Variants in ASCC1 observed in about 807,000 individuals in gnomAD.
The protein encoded by ASCC1 is ASC-1 complex subunit P50.
Under a neutral mutation model 46.6 loss-of-function variants are expected in ASCC1, and 35 were observed. The observed-to-expected ratio is 0.75, with a 90% CI of 0.57 to 0.99. The LOEUF is 0.99. ASCC1 is among the 50% of genes least tolerant of loss of function. The pLI, the probability that ASCC1 is intolerant of heterozygous loss-of-function variation, is 0.00. For synonymous variants in ASCC1, 143 were observed against 146.6 expected, an observed-to-expected ratio of 0.98 and a Z score of 0.18; for missense variants, 376 against 428.7, an observed-to-expected ratio of 0.88 and a Z score of 1.09.
At chr10:72,129,894 T>C (rs1432685282) in intron 8 of ASCC1, among the ~76,000 whole-genome samples, 1 of 138,154 alleles carries the variant, frequency 7.2e-6, no homozygotes, top group Non-Finnish European at 1.5e-5. Context: ...AGTGGGAGAA[T>C]CATTTGAGTG....
chr10:72,127,970 TA>T, intron 9 of ASCC1, 111 bp downstream of exon 9: 1 of 872,352 alleles, frequency 1.1e-6, no homozygotes, highest in Admixed American at 2.2e-5. Flanking sequence ...AAAAAAAAAG[TA>T]TGAGAAAAAG....
chr10:72,172,107 G>GT (rs368275958), intron 5 of ASCC1, among the ~76,000 whole-genome samples: 1 of 152,002 alleles, frequency 6.6e-6, no homozygotes, highest in South Asian at 2.1e-4. Context: ...CAATTTTGAA[G>GT]TTTTTTTAGA....
chr10:72,187,091 T>A (rs1853571199), intron 5 of ASCC1, among the ~76,000 whole-genome samples: 1 of 152,158 alleles, frequency 6.6e-6, no homozygotes, highest in Admixed American at 6.5e-5. Flanking sequence ...ACTTAGCCCC[T>A]ACTCCCCAAA....
chr10:72,168,373 A>G (rs1365787698), intron 5 of ASCC1, among the ~76,000 whole-genome samples: 1 of 152,224 alleles, frequency 6.6e-6, no homozygotes, highest in East Asian at 1.9e-4. Context: ...ACTACACTGA[A>G]TATCATTTCT....
chr10:72,161,060 G>A (rs1312749823), intron 6 of ASCC1, among the ~76,000 whole-genome samples: 2 of 151,914 alleles, frequency 1.3e-5, no homozygotes, highest in African/African-American at 4.8e-5. Context: ...TCCAGCCTGG[G>A]CGACAGAGCA....
intron 9 of ASCC1, among the ~76,000 whole-genome samples, chr10:72,120,916 A>C (rs1271352): frequency 0.31 from 47,860 of 151,986 alleles, 8,565 homozygotes; most frequent in Middle Eastern, 0.42. Context: ...TGCTCAAATA[A>C]ACCAAAAAAG....
chr10:72,102,327 ATCTTACCCACTAGCTCTCTGTGT>A, intron 9 of ASCC1: 1 of 1,548,948 alleles, frequency 6.5e-7, no homozygotes, highest in Non-Finnish European at 8.7e-7. Flanking sequence ...TCACGGCTGT[ATCTTACCCACTAGCTCTCTGTGT>A]CCCAAGCCCT....
chr10:72,159,509 A>G (rs1449964067), intron 6 of ASCC1: 1 of 152,230 alleles, frequency 6.6e-6, no homozygotes, highest in African/African-American at 2.4e-5. Context: ...GATTATCCCA[A>G]TGGCAGCCAA....
rs776866350 is a variant in ASCC1, at chr10:72,161,617, C to CA, written c.546dup (p.Gly183TrpfsTer8). 6.2e-7 allele frequency: 1 copy of CA among 1,614,086 alleles called. No individual in the cohort carries two copies. The highest frequency in any genetic ancestry group is 8.5e-7 in the Non-Finnish European group (1 of 1,180,004). ...TCCTCACTCAAAAGCACCAACATCC[C>CA]AATAGTTAGATGAAGCTTTTTAGGA... On this transcript the variant is annotated frameshift_variant, in exon 6 of 10. Coordinates refer to ENST00000672957, the MANE Select transcript of ASCC1 (RefSeq NM_001198800.3). LOFTEE classifies it high-confidence loss of function.
intron 6 of ASCC1, among the ~76,000 whole-genome samples, chr10:72,160,876 G>A (rs927067050): frequency 1.3e-5 from 2 of 150,804 alleles, no homozygotes; most frequent in Admixed American, 6.6e-5. Flanking sequence ...AAGGTCAAGA[G>A]ATCAAGACCA....
Position 72,097,260 on chromosome 10 carries a change from G to A in ASCC1, c.*74C>T. 5 of 1,040,802 alleles carry A rather than the reference G, an allele frequency of 4.8e-6. No homozygotes were observed. Among genetic ancestry groups the A allele is most frequent in the Non-Finnish European group, 7.5e-6 (5 of 662,978 alleles). 64.5% of individuals were successfully genotyped at this position (1,040,802 alleles called of 1,614,324 possible). A position where few individuals can be genotyped will look rare whatever the true frequency, so the allele number is the denominator to read the frequency against. ...ATCCAAATGTCCACATCCCTGCTTG[G>A]CAATTAAAACGAAGACACTTTTCTT... is the stretch of plus-strand genomic sequence containing the variant. On this transcript the variant is annotated 3_prime_UTR_variant, in exon 10 of 10. Coordinates refer to ENST00000672957, the MANE Select transcript of ASCC1 (RefSeq NM_001198800.3).
intron 8 of ASCC1, among the ~76,000 whole-genome samples, 186 bp from the exon 9 acceptor site, chr10:72,128,353 A>G (rs947698011): frequency 6.6e-6 from 1 of 152,224 alleles, no homozygotes; most frequent in African/African-American, 2.4e-5. Flanking sequence ...TCTGTCAACA[A>G]TTCATTCAGT....
intron 7 of ASCC1, among the ~76,000 whole-genome samples, chr10:72,151,115 T>C (rs1378521108): frequency 1.3e-5 from 2 of 152,260 alleles, no homozygotes; most frequent in African/African-American, 4.8e-5. Flanking sequence ...CAAAGGATTA[T>C]AAATCATGCT....
At chr10:72,136,596 A>C (rs1286457088) in intron 7 of ASCC1, among the ~76,000 whole-genome samples, 1 of 152,226 alleles carries the variant, frequency 6.6e-6, no homozygotes, top group African/African-American at 2.4e-5. Flanking sequence ...GGGCCAAATA[A>C]GGGATAAAAA....
chr10:72,213,574 C>CA (rs1295780200), intron 1 of ASCC1, among the ~76,000 whole-genome samples: 1 of 146,684 alleles, frequency 6.8e-6, no homozygotes, highest in African/African-American at 2.5e-5. Context: ...ACCCCCCCCC[C>CA]AAAAATGATT....
At chr10:72,172,015 T>A (rs1851155637) in intron 5 of ASCC1, among the ~76,000 whole-genome samples, 1 of 152,184 alleles carries the variant, frequency 6.6e-6, no homozygotes, top group Non-Finnish European at 1.5e-5. Context: ...AGGGTGCTGA[T>A]AAGATTGTAT....
intron 9 of ASCC1, among the ~76,000 whole-genome samples, chr10:72,124,397 CTT>C (rs1844593429): frequency 6.6e-6 from 1 of 152,132 alleles, no homozygotes; most frequent in African/African-American, 2.4e-5. Flanking sequence ...ATCACTGTGC[CTT>C]TATTTGTACC....
intron 7 of ASCC1, among the ~76,000 whole-genome samples, chr10:72,142,365 CTTTTTTT>C (rs71018255): frequency 1.5e-5 from 2 of 137,132 alleles, no homozygotes; most frequent in African/African-American, 2.7e-5. Flanking sequence ...GCAGATTTCA[CTTTTTTT>C]TTTTTTTTTG....
chr10:72,208,558 G>A (rs944223930), intron 3 of ASCC1, among the ~76,000 whole-genome samples: 3 of 151,972 alleles, frequency 2.0e-5, no homozygotes, highest in African/African-American at 7.3e-5. Flanking sequence ...TCAGGAGGTC[G>A]AGACCAGCCT....
Sources: allele counts gnomAD v4.1 joint callset (sites outside exome capture counted in the v4.1 genomes callset), GRCh38; gene constraint gnomAD v4.1.1; transcripts MANE v1.5; gene names NCBI Gene and HGNC (gene_info 2026-07-23, HGNC 2026-07-21).